Variants in FHOD3 observed in about 807,000 individuals in gnomAD.
FHOD3 encodes the protein formin homology 2 domain containing 3.
Under a neutral mutation model 173.0 loss-of-function variants are expected in FHOD3, and 90 were observed. The observed-to-expected ratio is 0.52, with a 90% CI of 0.44 to 0.62. The LOEUF (loss-of-function observed/expected upper bound fraction) is 0.62, where lower values mean the gene tolerates loss of function less well. FHOD3 is among the 20% of genes least tolerant of loss of function. The pLI, the probability that FHOD3 is intolerant of heterozygous loss-of-function variation, is 0.00. For synonymous variants in FHOD3, 828 were observed against 823.0 expected (o/e 1.01, Z -0.10); for missense variants, 1,945 against 2,034.7 (o/e 0.96, Z 0.85).
chr18:36,572,958 G>T (rs994418296), intron 5 of FHOD3, among the ~76,000 whole-genome samples: 17 of 152,068 alleles, frequency 1.1e-4, no homozygotes, highest in African/African-American at 4.1e-4. Flanking sequence ...AGTTTGTTTG[G>T]GAAGGGAAGG....
In FHOD3 at chr18:36,687,243, TGC is replaced by T. The variant is rs1224868377; in HGVS notation, c.2021+66_2021+67del. 2,541 of 1,190,466 alleles carry T rather than the reference TGC, an allele frequency of 2.1e-3. 47 individuals are homozygous for T. The African/African-American group carries it at 0.032, about 15-fold the overall frequency. 73.7% of individuals were successfully genotyped at this position (1,190,466 alleles called of 1,614,324 possible). On this transcript the variant is annotated intron_variant, in intron 16 of 28. Coordinates refer to ENST00000590592, the MANE Select transcript of FHOD3 (RefSeq NM_001281740.3). ...GTGACTTTGCACTGTTAACCTAGCA[TGC>T]AGAGAGACTGTCGATTAAAATATAA...
intron 28 of FHOD3, among the ~76,000 whole-genome samples, chr18:36,769,897 C>T (rs148616295): frequency 4.5e-4 from 68 of 152,246 alleles, no homozygotes; most frequent in Non-Finnish European, 9.0e-4. Context: ...ACTAGGGTAG[C>T]AAGGGATTTG....
intron 23 of FHOD3, among the ~76,000 whole-genome samples, chr18:36,746,293 T>G (rs1236514121): frequency 6.6e-6 from 1 of 152,198 alleles, no homozygotes; most frequent in East Asian, 1.9e-4. Flanking sequence ...TGTGTGTCCT[T>G]CAGAGTTTGG....
chr18:36,665,336 C>T (rs1016584404), intron 14 of FHOD3, among the ~76,000 whole-genome samples: 3 of 152,200 alleles, frequency 2.0e-5, no homozygotes, highest in African/African-American at 4.8e-5. Context: ...TCCCTGACTT[C>T]ACAGGGCTTA....
intron 3 of FHOD3, among the ~76,000 whole-genome samples, chr18:36,474,666 C>T (rs557072514): frequency 3.9e-5 from 6 of 152,218 alleles, no homozygotes; most frequent in South Asian, 2.1e-4. Context: ...GGAAACCCCA[C>T]GGAAGAAACA....
chr18:36,735,712 A>G (rs891035413), intron 20 of FHOD3, among the ~76,000 whole-genome samples: 9 of 152,198 alleles, frequency 5.9e-5, no homozygotes, highest in South Asian at 2.1e-4. Context: ...GCAAATATGC[A>G]TATTGTATGC....
At chr18:36,508,145 G>T (rs149527806) in intron 4 of FHOD3, among the ~76,000 whole-genome samples, 3 of 152,098 alleles carry the variant, frequency 2.0e-5, no homozygotes, top group Non-Finnish European at 4.4e-5. Flanking sequence ...GTGTGTGCGA[G>T]AGATTCTAAT....
chr18:36,482,765 T>C (rs997974577), intron 3 of FHOD3, among the ~76,000 whole-genome samples: 6 of 151,724 alleles, frequency 4.0e-5, no homozygotes, highest in Admixed American at 3.9e-4. Flanking sequence ...TGGAGTCCAA[T>C]AAATGTTTGT....
chr18:36,714,812 G>A (rs952557036), intron 18 of FHOD3, among the ~76,000 whole-genome samples: 2 of 152,200 alleles, frequency 1.3e-5, no homozygotes, highest in African/African-American at 4.8e-5. Context: ...CTAAAAGAGG[G>A]TTCAGTAGCT....
chr18:36,356,465 A>T (rs2046363937), intron 2 of FHOD3, among the ~76,000 whole-genome samples: 1 of 152,132 alleles, frequency 6.6e-6, no homozygotes, highest in Admixed American at 6.5e-5. Flanking sequence ...ATAGCCCCTG[A>T]TGGGGCCCCA....
At chr18:36,629,382 AT>A (rs933945112) in intron 10 of FHOD3, among the ~76,000 whole-genome samples, 1 of 151,894 alleles carries the variant, frequency 6.6e-6, no homozygotes, top group African/African-American at 2.4e-5. Context: ...TATTCTTTTG[AT>A]TTTTTTTCAA....
At chr18:36,524,685 A>G (rs913823688) in intron 5 of FHOD3, among the ~76,000 whole-genome samples, 4 of 152,122 alleles carry the variant, frequency 2.6e-5, no homozygotes, top group Non-Finnish European at 5.9e-5. Context: ...CTGTCTTTCT[A>G]TCTGTCTTTT....
chr18:36,767,693 A>T (rs546622576), intron 27 of FHOD3, among the ~76,000 whole-genome samples: 1 of 152,338 alleles, frequency 6.6e-6, no homozygotes, highest in South Asian at 2.1e-4. Context: ...GTGACAGGGC[A>T]CCTGGTGTCC....
chr18:36,640,440 A>G (rs1457102625), intron 10 of FHOD3, among the ~76,000 whole-genome samples: 1 of 152,214 alleles, frequency 6.6e-6, no homozygotes, highest in Non-Finnish European at 1.5e-5. Flanking sequence ...AAACAGCCTT[A>G]AAGTTAACAG....
intron 3 of FHOD3, among the ~76,000 whole-genome samples, chr18:36,431,550 C>T (rs2050553001): frequency 6.6e-6 from 1 of 152,204 alleles, no homozygotes; most frequent in Non-Finnish European, 1.5e-5. Flanking sequence ...TGGGTATGAG[C>T]AGCCTTGATG....
At chr18:36,612,164 A>G (rs2032748792) in intron 9 of FHOD3, 69 bp downstream of exon 9, 1 of 1,529,074 alleles carries the variant, frequency 6.5e-7, no homozygotes, top group Non-Finnish European at 8.9e-7. Context: ...GATGGCGCCT[A>G]CTTTAGACCA....
intron 15 of FHOD3, 93 bp from the exon 16 acceptor site, chr18:36,687,035 A>C (rs1381445340): frequency 1.1e-6 from 1 of 924,700 alleles, no homozygotes; most frequent in Non-Finnish European, 1.6e-6. Context: ...CCAGTCTTTC[A>C]TGATATACTG....
At chr18:36,521,680 C>G (rs2056282323) in intron 5 of FHOD3, among the ~76,000 whole-genome samples, 1 of 152,174 alleles carries the variant, frequency 6.6e-6, no homozygotes. Flanking sequence ...GTCCTGCCTC[C>G]CTTTGGCCCA....
At chr18:36,329,664 TGAA>T (rs1324687695) in intron 1 of FHOD3, among the ~76,000 whole-genome samples, 3 of 152,068 alleles carry the variant, frequency 2.0e-5, no homozygotes, top group Admixed American at 1.3e-4. Flanking sequence ...GTTTCAGCTG[TGAA>T]GAAGAACTGG....
Sources: allele counts gnomAD v4.1 joint callset (sites outside exome capture counted in the v4.1 genomes callset), GRCh38; gene constraint gnomAD v4.1.1; transcripts MANE v1.5; gene names NCBI Gene and HGNC (gene_info 2026-07-23, HGNC 2026-07-21).